Variants in LY75 observed in about 807,000 individuals in gnomAD.
The protein encoded by LY75 is lymphocyte antigen 75.
LY75 carries 185 observed loss-of-function variants against 231.7 expected under a neutral mutation model. The observed-to-expected ratio is 0.80, with a 90% CI of 0.71 to 0.90. The LOEUF is 0.90. Ranked by LOEUF, LY75 falls within the 40% of genes least tolerant of loss-of-function variation. The pLI is 0.00. For synonymous variants in LY75, 668 were observed against 689.0 expected, an observed-to-expected ratio of 0.97 and a Z score of 0.48; for missense variants, 1,947 against 2,050.2, an observed-to-expected ratio of 0.95 and a Z score of 0.97.
chr2:159,864,993 TG>T lies in LY75; in HGVS notation c.2118-74del, dbSNP rs1180077722. 5.2e-6 allele frequency: 7 copies of T among 1,338,972 alleles called. No homozygotes were observed. The South Asian group carries it at 8.3e-5, about 16-fold the overall frequency. 82.9% of individuals were successfully genotyped at this position (1,338,972 alleles called of 1,614,324 possible). A position where few individuals can be genotyped will look rare whatever the true frequency, so the allele number is the denominator to read the frequency against. On this transcript the variant is annotated intron_variant, in intron 13 of 34. Coordinates refer to ENST00000263636, the MANE Select transcript of LY75 (RefSeq NM_002349.4). ...ATATTTAGCACTCACATGTCTAATG[TG>T]CATCACTAATTGAAAAGCACAGTTT...
intron 11 of LY75, among the ~76,000 whole-genome samples, chr2:159,876,322 C>T (rs1006100647): frequency 2.6e-5 from 4 of 152,126 alleles, no homozygotes; most frequent in African/African-American, 7.2e-5. Flanking sequence ...ACATCATGTT[C>T]CATTTTCCAT....
Position 159,834,145 on chromosome 2 carries a change from G to T in LY75, c.3740C>A (p.Pro1247Gln), listed in dbSNP as rs78446341. ...GCAACAGTTCTGAAATGGTATCCAC[G>T]GAGTATTTAGAACAGGAGATGGACA... ...VKCPSPVLNT[P>Q]WIPFQNCCYN... is the part of the protein sequence containing the mutation. Residue 1247 changes from proline (P) to glutamine (Q), a missense_variant, in exon 27 of 35, where the codon CCG becomes CAG. Physicochemically the swap from Pro to Gln is moderately conservative, Grantham distance 76. Coordinates refer to ENST00000263636, the MANE Select transcript of LY75 (RefSeq NM_002349.4). 6.2e-7 allele frequency: 1 copy of T among 1,613,952 alleles called. No homozygotes were observed. Among genetic ancestry groups the T allele is most frequent in the African/African-American group, 1.3e-5 (1 of 75,018 alleles).
In LY75 at chr2:159,850,415, G is replaced by A. The variant is rs763412266; in HGVS notation, c.2936C>T (p.Thr979Ile). Residue 979 changes from threonine (T) to isoleucine (I), a missense_variant, in exon 22 of 35, where the codon ACC becomes ATC. Physicochemically the swap from Thr to Ile is moderately conservative, Grantham distance 89. Transcript: ENST00000263636. ...VSLTFSQASD[T>I]CHSYGGTLPS... Reference sequence around the variant, plus strand: ...AAGGGTGCCACCATAGGAGTGACAGGTATCGCTTGCTTGAGAAAATGTGAG... The same window carrying A: ...AAGGGTGCCACCATAGGAGTGACAGATATCGCTTGCTTGAGAAAATGTGAG... The A allele has an allele frequency of 1.9e-6, 3 of 1,613,662 alleles. No homozygotes were observed. Among genetic ancestry groups the A allele is most frequent in the Admixed American group, 3.3e-5 (2 of 59,994 alleles).
chr2:159,865,415 T>C (rs148327662), intron 13 of LY75, among the ~76,000 whole-genome samples: 1 of 152,240 alleles, frequency 6.6e-6, no homozygotes, highest in East Asian at 1.9e-4. Context: ...CAAAGAAATA[T>C]ACCAGAAAAA....
chr2:159,880,485 G>A (rs1685401500), intron 8 of LY75, among the ~76,000 whole-genome samples: 2 of 152,232 alleles, frequency 1.3e-5, no homozygotes, highest in African/African-American at 4.8e-5. Context: ...GGTGGGTGCA[G>A]GCCCTGGTCC....
intron 23 of LY75, among the ~76,000 whole-genome samples, chr2:159,843,804 T>C (rs765790708): frequency 9.9e-5 from 15 of 152,128 alleles, no homozygotes; most frequent in Admixed American, 3.3e-4. Context: ...AGGTTTTGAA[T>C]GTTATCTTTA....
chr2:159,882,722 A>G (rs891427997), intron 6 of LY75, among the ~76,000 whole-genome samples: 2 of 152,202 alleles, frequency 1.3e-5, no homozygotes, highest in African/African-American at 2.4e-5. Context: ...AGATTATAAG[A>G]GGGCAAGCCT....
Position 159,815,404 on chromosome 2 carries a change from C to A in LY75, c.4549+1G>T, listed in dbSNP as rs773299840. 6.3e-7 allele frequency: 1 copy of A among 1,586,934 alleles called. No individual in the cohort carries two copies. The highest frequency in any genetic ancestry group is 2.2e-5 in the East Asian group (1 of 44,478). ...TACTGTTACTGAAATTGAAGTCTTACATTTTGTAGGTTTATAACAAATAGC... is the reference window on the plus strand; with the variant it reads ...TACTGTTACTGAAATTGAAGTCTTAAATTTTGTAGGTTTATAACAAATAGC... On this transcript the variant is annotated splice_donor_variant, in intron 31 of 34. Transcript: ENST00000263636. LOFTEE classifies it high-confidence loss of function.
At position 159,818,005 on chromosome 2, in the gene LY75, C is replaced by T. The variant is rs567173794; in HGVS notation, c.4154-973G>A. ...CAGAGGTTGCAGTGAGCTGAGATGG[C>T]GCCACTGCACTCCAGCCTGGGTGAC... On this transcript the variant is annotated intron_variant, in intron 29 of 34. Transcript: ENST00000263636. Among the ~76,000 whole-genome samples the T allele has an allele frequency of 8.6e-4, 130 of 151,920 alleles. No individual in the cohort carries two copies. The Middle Eastern group carries it at 0.044, about 52-fold the overall frequency.
intron 13 of LY75, among the ~76,000 whole-genome samples, chr2:159,865,788 C>G (rs1473568796): frequency 6.6e-6 from 1 of 151,986 alleles, no homozygotes; most frequent in Non-Finnish European, 1.5e-5. Flanking sequence ...TTCAGATTGG[C>G]CAAGAGGAAG....
chr2:159,831,646 A>G, intron 28 of LY75, 24 bp downstream of exon 28: 14 of 1,606,066 alleles, frequency 8.7e-6, no homozygotes, highest in South Asian at 6.8e-5. Context: ...ACAAATAGAG[A>G]AAGTTGGCAG....
At position 159,835,327 on chromosome 2, in the gene LY75, T is replaced by C. The variant is rs141059884; in HGVS notation, c.3673+153A>G. On this transcript the variant is annotated intron_variant, in intron 26 of 34. Transcript: ENST00000263636. ...TATGTAATATATAATTCTACTTGAA[T>C]ACAAATTTTCACAACAAATGTTGCC... Among the ~76,000 whole-genome samples the C allele has an allele frequency of 2.8e-3, 419 of 152,284 alleles. 1 individual carries two copies. The highest frequency in any genetic ancestry group is 4.0e-3 in the Non-Finnish European group (269 of 68,028).
At chr2:159,849,353 C>CAG (rs539885747) in intron 23 of LY75, among the ~76,000 whole-genome samples, 70 of 152,274 alleles carry the variant, frequency 4.6e-4, no homozygotes, top group African/African-American at 1.5e-3. Context: ...AGCATAACTA[C>CAG]TGTCAGTATA....
At chr2:159,822,284 G>A (rs1235040181) in intron 28 of LY75, among the ~76,000 whole-genome samples, 2 of 152,208 alleles carry the variant, frequency 1.3e-5, no homozygotes, top group African/African-American at 4.8e-5. Flanking sequence ...AAGATCTACT[G>A]GCTTGAAATT....
intron 28 of LY75, 33 bp downstream of exon 28, chr2:159,831,637 C>G: frequency 6.2e-7 from 1 of 1,603,512 alleles, no homozygotes; most frequent in Non-Finnish European, 8.5e-7. Flanking sequence ...AGTACAAAAA[C>G]AAATAGAGAA....
At chr2:159,897,710 G>C (rs764550978) in intron 2 of LY75, among the ~76,000 whole-genome samples, 1 of 152,192 alleles carries the variant, frequency 6.6e-6, no homozygotes, top group African/African-American at 2.4e-5. Context: ...AGAAAGGCAA[G>C]GGGAAATAAT....
intron 4 of LY75, among the ~76,000 whole-genome samples, chr2:159,887,578 AAAAAAAG>A (rs1560102271): frequency 6.7e-6 from 1 of 149,460 alleles, no homozygotes; most frequent in African/African-American, 2.5e-5. Flanking sequence ...AAAAAAAAAA[AAAAAAAG>A]AAAAAAGAAA....
At chr2:159,815,987 C>T (rs1683109784) in intron 30 of LY75, among the ~76,000 whole-genome samples, 1 of 152,108 alleles carries the variant, frequency 6.6e-6, no homozygotes, top group African/African-American at 2.4e-5. Context: ...ACATTTTTCA[C>T]ACTACAGAGG....
In LY75 at chr2:159,816,950, CT is replaced by C. The variant is rs1301982151; in HGVS notation, c.4235del (p.Lys1412ArgfsTer2). ...EDGIYSVIQKKVTWYEALNMC... is the reference protein window; with the variant it reads ...EDGIYSVIQKXVTWYEALNMC... Reference sequence around the variant, plus strand: ...TGTTTAATGCTTCATACCATGTTACCTTTTTTTGAATAACACTGTAAATACC... The same window carrying C: ...TGTTTAATGCTTCATACCATGTTACCTTTTTTGAATAACACTGTAAATACC... On this transcript the variant is annotated frameshift_variant, in exon 30 of 35. Coordinates refer to ENST00000263636, the MANE Select transcript of LY75 (RefSeq NM_002349.4). LOFTEE classifies it high-confidence loss of function. The C allele has an allele frequency of 6.2e-7, 1 of 1,614,066 alleles. No individual in the cohort carries two copies. The highest frequency in any genetic ancestry group is 8.5e-7 in the Non-Finnish European group (1 of 1,179,992).
Sources: gnomAD v4.1 joint callset for allele counts (sites outside exome capture counted in the v4.1 genomes callset) on GRCh38, gnomAD v4.1.1 for gene constraint, MANE v1.5 for transcripts, NCBI Gene and HGNC (gene_info 2026-07-23, HGNC 2026-07-21) for gene names.